PCDHA7: variants seen among roughly 807,000 people sequenced by gnomAD.
PCDHA7 encodes the protein protocadherin alpha 7, also known as protocadherin alpha-7.
Under a neutral mutation model 57.2 loss-of-function variants are expected in PCDHA7, and 37 were observed. The observed-to-expected ratio is 0.65, with a 90% CI of 0.50 to 0.85. PCDHA7 has a LOEUF of 0.85. PCDHA7 is among the 40% of genes least tolerant of loss of function. PCDHA7 has a pLI of 0.00. For missense variants in PCDHA7, 1,188 were observed against 1,241.8 expected, an observed-to-expected ratio of 0.96 and a Z score of 0.65; for synonymous variants, 553 against 558.8, an observed-to-expected ratio of 0.99 and a Z score of 0.15.
rs1372096351 is a variant in PCDHA7, at chr5:140,851,273, G to A, written c.2355+14535G>A. 3 of 1,057,916 alleles carry A rather than the reference G, an allele frequency of 2.8e-6. No homozygotes were observed. In the African/African-American group the frequency reaches 5.0e-5, roughly 18 times the overall value. The allele number at this position is 1,057,916 out of a possible 1,614,324, so 65.5% of individuals were successfully genotyped here. On this transcript the variant is annotated intron_variant, in intron 1 of 3. Coordinates refer to ENST00000525929, the MANE Select transcript of PCDHA7 (RefSeq NM_018910.3). ...CATAGTATTTTAGTCTACTTGTATT[G>A]TTTATAAGAAACCCAAGCAAAAATA...
Position 140,947,404 on chromosome 5 carries a change from T to C in PCDHA7, c.2356-31545T>C, listed in dbSNP as rs1305199507. On this transcript the variant is annotated intron_variant, in intron 1 of 3. Transcript: ENST00000525929. ...ATCCTTTCACTAAAAGTAGACTGTC[T>C]TGATATTGTAGCTTTATAAATTTGA... is the stretch of plus-strand genomic sequence containing the variant. Among the ~76,000 whole-genome samples the C allele has an allele frequency of 2.6e-5, 4 of 151,736 alleles. No individual in the cohort carries two copies. In the East Asian group the frequency reaches 5.8e-4, roughly 22 times the overall value.
At chr5:140,882,112 C>T (rs1399071152) in intron 1 of PCDHA7, 2 of 1,384,570 alleles carry the variant, frequency 1.4e-6, no homozygotes, top group Non-Finnish European at 1.9e-6. Flanking sequence ...CGAAGAAAGC[C>T]GCCGTTTCTT....
At chr5:141,004,100 ATCT>A (rs1241437793) in intron 3 of PCDHA7, among the ~76,000 whole-genome samples, 4 of 152,204 alleles carry the variant, frequency 2.6e-5, no homozygotes, top group Non-Finnish European at 5.9e-5. Context: ...TTCCGTTTTC[ATCT>A]TCTTCAAAAG....
At position 140,836,321 on chromosome 5, in the gene PCDHA7, C is replaced by A; in HGVS notation, c.1938C>A (p.Arg646=). 1.9e-6 allele frequency: 3 copies of A among 1,613,768 alleles called. No homozygotes were observed. The highest frequency in any genetic ancestry group is 2.5e-6 in the Non-Finnish European group (3 of 1,179,834). ...ATGAGACGGACGCACCGCGCCACCG[C>A]CTTCTGGTGCTTGTGAAGGACCACG... The part of the protein sequence containing the change: ...ALDETDAPRH[R]LLVLVKDHGE... The change falls in exon 1 of 4, where the codon CGC becomes CGA. Residue 646 remains arginine (R), a synonymous_variant. Transcript: ENST00000525929.
intron 1 of PCDHA7, chr5:140,850,766 G>T: frequency 6.3e-7 from 1 of 1,598,074 alleles, no homozygotes; most frequent in Non-Finnish European, 8.6e-7. Context: ...GGAGGCAGAG[G>T]GTGTGCTCTG....
At chr5:140,874,310 T>G (rs1466164009) in intron 1 of PCDHA7, among the ~76,000 whole-genome samples, 1 of 151,992 alleles carries the variant, frequency 6.6e-6, no homozygotes, top group Non-Finnish European at 1.5e-5. Context: ...TCACAATGAG[T>G]TGTAGGATCT....
intron 3 of PCDHA7, among the ~76,000 whole-genome samples, chr5:141,002,270 G>T (rs1304168184): frequency 6.6e-6 from 1 of 152,172 alleles, no homozygotes; most frequent in Non-Finnish European, 1.5e-5. Context: ...CCCAGAGCTG[G>T]TAACAAAGGG....
intron 1 of PCDHA7, among the ~76,000 whole-genome samples, chr5:140,950,723 A>G (rs1478275346): frequency 1.3e-5 from 2 of 151,984 alleles, no homozygotes; most frequent in African/African-American, 4.8e-5. Flanking sequence ...ATATCCTTAA[A>G]TTTTTTAATC....
intron 1 of PCDHA7, among the ~76,000 whole-genome samples, chr5:140,908,772 A>G (rs2074146123): frequency 6.6e-6 from 1 of 152,144 alleles, no homozygotes; most frequent in East Asian, 1.9e-4. Flanking sequence ...CGTGTTGTAG[A>G]GTCTTCTCCT....
intron 1 of PCDHA7, among the ~76,000 whole-genome samples, chr5:140,898,648 G>T (rs1436511217): frequency 8.5e-5 from 13 of 152,136 alleles, no homozygotes; most frequent in African/African-American, 3.1e-4. Context: ...TGTTCTTTTG[G>T]CTTAGGATTG....
intron 3 of PCDHA7, among the ~76,000 whole-genome samples, chr5:140,996,093 A>G (rs2097711389): frequency 6.6e-6 from 1 of 152,210 alleles, no homozygotes; most frequent in South Asian, 2.1e-4. Flanking sequence ...GCTAGATTAC[A>G]TGGAATGGTA....
intron 1 of PCDHA7, chr5:140,928,243 G>A: frequency 6.2e-7 from 1 of 1,614,202 alleles, no homozygotes; most frequent in South Asian, 1.1e-5. Flanking sequence ...ACCCCAGCAG[G>A]AACTTTTCGT....
intron 3 of PCDHA7, among the ~76,000 whole-genome samples, chr5:141,005,406 G>C (rs1224420854): frequency 1.3e-5 from 2 of 152,172 alleles, no homozygotes; most frequent in Non-Finnish European, 2.9e-5. Flanking sequence ...GACTTGAAGA[G>C]TGAGGAGTCA....
At chr5:140,979,086 G>A in intron 2 of PCDHA7, 79 bp downstream of exon 2, 3 of 1,561,050 alleles carry the variant, frequency 1.9e-6, no homozygotes, top group South Asian at 2.4e-5. Flanking sequence ...CCATAGGCCA[G>A]AAGCAGCTGT....
chr5:140,939,562 G>C (rs1584985766), intron 1 of PCDHA7, among the ~76,000 whole-genome samples: 1 of 152,158 alleles, frequency 6.6e-6, no homozygotes, highest in Middle Eastern at 3.4e-3. Flanking sequence ...TATTAGTTTG[G>C]TTAATCAAAA....
intron 1 of PCDHA7, chr5:140,926,634 T>C (rs2083423230): frequency 6.8e-6 from 3 of 438,778 alleles, no homozygotes; most frequent in Non-Finnish European, 1.2e-5. Context: ...GCTGCGCTCC[T>C]CAACACCCGG....
chr5:140,869,525 T>C, intron 1 of PCDHA7: 2 of 1,614,200 alleles, frequency 1.2e-6, no homozygotes, highest in Admixed American at 1.7e-5. Context: ...CAAAAGCTGC[T>C]GATTGCGGAA....
intron 1 of PCDHA7, among the ~76,000 whole-genome samples, chr5:140,971,278 ATATTAATATG>A (rs1408088373): frequency 6.6e-6 from 1 of 152,208 alleles, no homozygotes; most frequent in African/African-American, 2.4e-5. Context: ...ACTGACCTGT[ATATTAATATG>A]TACTTTGGTA....
chr5:141,003,469 A>G (rs536017033), intron 3 of PCDHA7, among the ~76,000 whole-genome samples: 53 of 152,106 alleles, frequency 3.5e-4, no homozygotes, highest in Admixed American at 2.3e-3. Flanking sequence ...GCACCACCAC[A>G]GTCTCGCTAA....
Sources: gnomAD v4.1 joint callset for allele counts (sites outside exome capture counted in the v4.1 genomes callset) on GRCh38, gnomAD v4.1.1 for gene constraint, MANE v1.5 for transcripts, NCBI Gene and HGNC (gene_info 2026-07-23, HGNC 2026-07-21) for gene names.